Variants in BLVRB observed in about 807,000 individuals in gnomAD.
BLVRB encodes biliverdin reductase B, also known as flavin reductase (NADPH).
Under a neutral mutation model 21.1 loss-of-function variants are expected in BLVRB, and 25 were observed. The ratio of observed to expected loss-of-function variants is 1.19; its 90% CI spans 0.86 to 1.66. The LOEUF is 1.66. BLVRB is among the 40% of genes most tolerant of loss of function. The pLI, the probability that BLVRB is intolerant of heterozygous loss-of-function variation, is 0.00. For missense variants in BLVRB, 274 were observed against 282.7 expected (o/e 0.97, Z 0.22); for synonymous variants, 128 against 122.2 (o/e 1.05, Z -0.31).
chr19:40,458,003 C>T (rs1429533811), intron 3 of BLVRB, 152 bp downstream of exon 3: 1 of 753,798 alleles, frequency 1.3e-6, no homozygotes, highest in Non-Finnish European at 2.2e-6. Flanking sequence ...CCACTGTGTC[C>T]CCAGCATCAC....
At chr19:40,451,538 T>TC in intron 3 of BLVRB, 46 bp from the exon 4 acceptor site, 1 of 1,115,490 alleles carries the variant, frequency 9.0e-7, no homozygotes, top group Non-Finnish European at 1.2e-6. Context: ...TCTTGTCTTT[T>TC]TTTTTTTTTT....
At chr19:40,448,790 A>C (rs2079726407) in intron 4 of BLVRB, among the ~76,000 whole-genome samples, 1 of 151,794 alleles carries the variant, frequency 6.6e-6, no homozygotes, top group African/African-American at 2.4e-5. Flanking sequence ...GGGACAAAGC[A>C]GACAGGAAGC....
chr19:40,458,251 G>A lies in BLVRB; in HGVS notation c.245-7C>T, dbSNP rs768683696. On this transcript the variant is annotated splice_polypyrimidine_tract_variant and splice_region_variant and intron_variant, in intron 2 of 4. Coordinates refer to ENST00000263368, the MANE Select transcript of BLVRB (RefSeq NM_000713.3). Reference sequence around the variant, plus strand: ...GACATCACTGTCGTGGGACCTTAGAGGGGACAGAGAGTGGCTGTCACTGGT... The same window carrying A: ...GACATCACTGTCGTGGGACCTTAGAAGGGACAGAGAGTGGCTGTCACTGGT... The A allele has an allele frequency of 1.2e-6, 2 of 1,611,678 alleles. No homozygotes were observed. Among genetic ancestry groups the A allele is most frequent in the Non-Finnish European group, 1.7e-6 (2 of 1,178,936 alleles).
chr19:40,451,075 C>A (rs896606635), intron 4 of BLVRB, among the ~76,000 whole-genome samples: 4 of 152,136 alleles, frequency 2.6e-5, no homozygotes, highest in African/African-American at 7.2e-5. Context: ...AAGTCCCAAC[C>A]CTGTAATCCA....
rs558613418 is a variant in BLVRB, at chr19:40,449,043, G to A, written c.464-997C>T. On this transcript the variant is annotated intron_variant, in intron 4 of 4. Coordinates refer to ENST00000263368, the MANE Select transcript of BLVRB (RefSeq NM_000713.3). ...CAGTGAGCCAAGATTGTGCCATTGC[G>A]CTCCAGCCTGGGCTACAGAGGGAGA... Among the ~76,000 whole-genome samples the A allele has an allele frequency of 2.4e-3, 368 of 151,442 alleles. 5 individuals carry two copies. The highest frequency in any genetic ancestry group is 6.2e-4 in the Non-Finnish European group (42 of 67,852).
chr19:40,459,851 G>A (rs1397481754), intron 1 of BLVRB, among the ~76,000 whole-genome samples: 1 of 152,150 alleles, frequency 6.6e-6, no homozygotes, highest in African/African-American at 2.4e-5. Flanking sequence ...GATTACAGGC[G>A]TAAGCCACTG....
At chr19:40,458,841 C>T (rs1167286310) in intron 1 of BLVRB, among the ~76,000 whole-genome samples, 1 of 152,044 alleles carries the variant, frequency 6.6e-6, no homozygotes, top group Admixed American at 6.6e-5. Context: ...CCACAGTGTG[C>T]ACCACCACAC....
intron 4 of BLVRB, 144 bp downstream of exon 4, chr19:40,451,220 G>T: frequency 7.9e-7 from 1 of 1,259,108 alleles, no homozygotes; most frequent in Non-Finnish European, 1.1e-6. Context: ...CAGGAAACAG[G>T]GACAAAGGCC....
chr19:40,455,332 C>A (rs1460533995), intron 3 of BLVRB, among the ~76,000 whole-genome samples: 1 of 152,186 alleles, frequency 6.6e-6, no homozygotes, highest in African/African-American at 2.4e-5. Flanking sequence ...TAAAGTGTGA[C>A]AATAGCACTG....
intron 3 of BLVRB, among the ~76,000 whole-genome samples, chr19:40,451,722 AG>A (rs1246722398): frequency 2.0e-5 from 3 of 152,154 alleles, no homozygotes; most frequent in Non-Finnish European, 2.9e-5. Flanking sequence ...TAGTACAGAC[AG>A]GGTTTTGCCA....
chr19:40,451,106 C>T (rs2079737829), intron 4 of BLVRB, among the ~76,000 whole-genome samples: 1 of 152,138 alleles, frequency 6.6e-6, no homozygotes, highest in Non-Finnish European at 1.5e-5. Flanking sequence ...TTCTGGTGAC[C>T]AGACCTGAAG....
At chr19:40,454,445 A>G (rs1010281379) in intron 3 of BLVRB, among the ~76,000 whole-genome samples, 2 of 151,972 alleles carry the variant, frequency 1.3e-5, no homozygotes, top group African/African-American at 4.8e-5. Flanking sequence ...TCCTCTTTAC[A>G]GATGAGAAAA....
In BLVRB at chr19:40,458,077, C is replaced by T. The variant is rs759992695; in HGVS notation, c.334+78G>A. The T allele has an allele frequency of 8.4e-5, 115 of 1,363,070 alleles. No homozygotes were observed. The East Asian group carries it at 1.1e-3, about 13-fold the overall frequency. 84.4% of individuals were successfully genotyped at this position (1,363,070 alleles called of 1,614,324 possible). On this transcript the variant is annotated intron_variant, in intron 3 of 4. Transcript: ENST00000263368. Reference sequence around the variant, plus strand: ...GCACAGTAACATGGAATGGCTTCAGCGTCACCTTTCAGAGGCCCCTGGGCT... The same window carrying T: ...GCACAGTAACATGGAATGGCTTCAGTGTCACCTTTCAGAGGCCCCTGGGCT...
intron 4 of BLVRB, 68 bp from the exon 5 acceptor site, chr19:40,448,114 C>A: frequency 6.5e-7 from 1 of 1,538,630 alleles, no homozygotes; most frequent in Non-Finnish European, 8.8e-7. Flanking sequence ...ATTCGACCCC[C>A]AGAAAGACCT....
chr19:40,462,355 T>C (rs910268828), intron 1 of BLVRB, among the ~76,000 whole-genome samples: 2 of 150,582 alleles, frequency 1.3e-5, no homozygotes, highest in Non-Finnish European at 3.0e-5. Flanking sequence ...CTCAGCTCAC[T>C]GCAACCTCCG....
chr19:40,451,218 A>G, intron 4 of BLVRB, 146 bp downstream of exon 4: 1 of 1,223,474 alleles, frequency 8.2e-7, no homozygotes, highest in Non-Finnish European at 1.1e-6. Flanking sequence ...GCCAGGAAAC[A>G]GGGACAAAGG....
chr19:40,455,282 G>C (rs1004758713), intron 3 of BLVRB, among the ~76,000 whole-genome samples: 1 of 152,180 alleles, frequency 6.6e-6, no homozygotes, highest in African/African-American at 2.4e-5. Flanking sequence ...TGAATATGGA[G>C]GGAAGATTAA....
chr19:40,455,791 C>T (rs750693263), intron 3 of BLVRB, among the ~76,000 whole-genome samples: 3 of 152,068 alleles, frequency 2.0e-5, no homozygotes, highest in Non-Finnish European at 4.4e-5. Flanking sequence ...AAACCAATTA[C>T]AAAACACAAT....
chr19:40,452,249 C>T (rs2145777719), intron 3 of BLVRB, among the ~76,000 whole-genome samples: 1 of 152,332 alleles, frequency 6.6e-6, no homozygotes, highest in South Asian at 2.1e-4. Flanking sequence ...CGCCTCTGCT[C>T]CAGCCAGGTT....
Sources: allele counts gnomAD v4.1 joint callset (sites outside exome capture counted in the v4.1 genomes callset), GRCh38; gene constraint gnomAD v4.1.1; transcripts MANE v1.5; gene names NCBI Gene and HGNC (gene_info 2026-07-23, HGNC 2026-07-21).